SPIRE1: variants seen among roughly 807,000 people sequenced by gnomAD.
SPIRE1 encodes protein spire homolog 1.
In SPIRE1, 40 loss-of-function variants were observed where a neutral mutation model predicts 94.1. The observed-to-expected ratio is 0.43, with a 90% CI of 0.33 to 0.55. The LOEUF is 0.55. Ranked by LOEUF, SPIRE1 falls within the 20% of genes least tolerant of loss-of-function variation. SPIRE1 has a pLI of 0.06. For synonymous variants in SPIRE1, 376 were observed against 371.7 expected (o/e 1.01, Z -0.13); for missense variants, 838 against 975.2 (o/e 0.86, Z 1.87).
intron 2 of SPIRE1, among the ~76,000 whole-genome samples, chr18:12,549,000 C>G (rs761021934): frequency 6.6e-5 from 10 of 152,174 alleles, no homozygotes; most frequent in Non-Finnish European, 1.5e-4. Context: ...GGCAGTGTCC[C>G]AGGACAATCC....
chr18:12,471,633 C>A (rs950443517), intron 10 of SPIRE1, among the ~76,000 whole-genome samples: 2 of 151,600 alleles, frequency 1.3e-5, no homozygotes, highest in Admixed American at 1.3e-4. Flanking sequence ...TTGTTCTTTT[C>A]TTTAATTCAG....
chr18:12,658,104 G>C lies in SPIRE1; in HGVS notation c.-238C>G. 1.1e-6 allele frequency: 1 copy of C among 937,046 alleles called. No individual in the cohort carries two copies. The highest frequency in any genetic ancestry group is 5.3e-4 in the Middle Eastern group (1 of 1,886). 58.0% of individuals were successfully genotyped at this position (937,046 alleles called of 1,614,324 possible). ...CGCCGGCCGGTAGCGACGCGATGGC[G>C]TCCGGCGCCCCGCCCCGCCCCGCCC... On this transcript the variant is annotated 5_prime_UTR_variant, in exon 1 of 17. Transcript: ENST00000409402.
At chr18:12,606,038 T>C (rs2036965805) in intron 2 of SPIRE1, among the ~76,000 whole-genome samples, 1 of 152,188 alleles carries the variant, frequency 6.6e-6, no homozygotes, top group Non-Finnish European at 1.5e-5. Context: ...TCTGCTCAAA[T>C]GTCACCTCTA....
At position 12,452,427 on chromosome 18, in the gene SPIRE1, C is replaced by T. The variant is rs375167237; in HGVS notation, c.1876-36G>A. 22 of 1,613,980 alleles carry T rather than the reference C, an allele frequency of 1.4e-5. No homozygotes were observed. In the African/African-American group the frequency reaches 1.7e-4, roughly 13 times the overall value. On this transcript the variant is annotated intron_variant, in intron 15 of 16. Coordinates refer to ENST00000409402, the MANE Select transcript of SPIRE1 (RefSeq NM_001128626.2). ...AAATAAAACTGGCAATGAGCAGTAC[C>T]GTTAAAGAGGCAGTCACTAAAAGGA... is the stretch of plus-strand genomic sequence containing the variant.
At position 12,598,741 on chromosome 18, in the gene SPIRE1, T is replaced by C. The variant is rs573613715; in HGVS notation, c.372+36321A>G. Among the ~76,000 whole-genome samples the C allele has an allele frequency of 3.3e-3, 503 of 152,228 alleles. 3 individuals carry two copies. Among genetic ancestry groups the C allele is most frequent in the African/African-American group, 0.012 (481 of 41,540 alleles). ...ATCTCAAGAGGAAGTGGCTGCTGGA[T>C]GAAGCACACACTGAGGGCTAGAAGG... On this transcript the variant is annotated intron_variant, in intron 2 of 16. Coordinates refer to ENST00000409402, the MANE Select transcript of SPIRE1 (RefSeq NM_001128626.2).
In SPIRE1 at chr18:12,449,726, C is replaced by A; in HGVS notation, c.2183G>T (p.Arg728Leu). ...RSLVLANKRARLKRKTQSFYM... is the reference protein window; with the variant it reads ...RSLVLANKRALLKRKTQSFYM... ...GAAAGACTGCGTTTTCCTTTTCAAT[C>A]GGGCCCTTTTGTTGGCCAACACCAG... The change falls in exon 17 of 17, where the codon CGA becomes CTA. Residue 728 changes from arginine (R) to leucine (L), a missense_variant. Coordinates refer to ENST00000409402, the MANE Select transcript of SPIRE1 (RefSeq NM_001128626.2). 1 of 1,614,102 alleles carries A rather than the reference C, an allele frequency of 6.2e-7. No individual in the cohort carries two copies. The highest frequency in any genetic ancestry group is 8.5e-7 in the Non-Finnish European group (1 of 1,180,022).
chr18:12,611,419 G>A (rs1002678558), intron 2 of SPIRE1, among the ~76,000 whole-genome samples: 6 of 152,234 alleles, frequency 3.9e-5, no homozygotes, highest in Non-Finnish European at 7.3e-5. Flanking sequence ...CTCCTATGGA[G>A]AAGAAGCCTA....
chr18:12,550,078 A>C (rs1428746722), intron 2 of SPIRE1, among the ~76,000 whole-genome samples: 1 of 152,220 alleles, frequency 6.6e-6, no homozygotes, highest in Non-Finnish European at 1.5e-5. Context: ...ACTGATAGGA[A>C]TCTCTACTTA....
intron 1 of SPIRE1, among the ~76,000 whole-genome samples, chr18:12,649,549 C>T (rs1228000792): frequency 6.6e-6 from 1 of 152,178 alleles, no homozygotes; most frequent in South Asian, 2.1e-4. Flanking sequence ...GAAATACATA[C>T]AGCTCTAATG....
intron 5 of SPIRE1, among the ~76,000 whole-genome samples, chr18:12,509,820 T>A (rs184742702): frequency 4.3e-4 from 65 of 152,004 alleles, no homozygotes; most frequent in Non-Finnish European, 8.2e-4. Flanking sequence ...CGGAGGCTCA[T>A]ACCTGTAATC....
intron 6 of SPIRE1, among the ~76,000 whole-genome samples, chr18:12,499,761 A>G (rs1302235977): frequency 6.6e-6 from 1 of 152,198 alleles, no homozygotes; most frequent in Non-Finnish European, 1.5e-5. Flanking sequence ...AGCAAAATTA[A>G]AACCTTTTGT....
rs150438426 is a variant in SPIRE1, at chr18:12,559,173, CGGGGTGGGGT to C, written c.373-12279_373-12270del. 2.8e-5 allele frequency among the ~76,000 whole-genome samples: 3 copies of C among 108,398 alleles called. No individual in the cohort carries two copies. The highest frequency in any genetic ancestry group is 2.7e-4 in the East Asian group (1 of 3,660). 71.1% of individuals were successfully genotyped at this position (108,398 alleles called of 152,430 possible). ...GAGGCTCCATCTGCTTAGGAGCCCA[CGGGGTGGGGT>C]GGGGTGGGGGGGCGCCGGCATGGCA... On this transcript the variant is annotated intron_variant, in intron 2 of 16. Transcript: ENST00000409402. The surrounding 1 kb of genome is among the most constrained non-coding windows in gnomAD (Gnocchi z 4.7).
At chr18:12,477,189 TAGAAA>T (rs2032638158) in intron 10 of SPIRE1, among the ~76,000 whole-genome samples, 1 of 152,086 alleles carries the variant, frequency 6.6e-6, no homozygotes, top group African/African-American at 2.4e-5. Context: ...GAAAGAGGAC[TAGAAA>T]AGGAGTTAAA....
Position 12,496,627 on chromosome 18 carries a change from C to T in SPIRE1, c.973-525G>A, listed in dbSNP as rs187205868. 5.6e-3 allele frequency among the ~76,000 whole-genome samples: 856 copies of T among 152,104 alleles called. 10 individuals are homozygous for T. Among genetic ancestry groups the T allele is most frequent in the African/African-American group, 0.018 (749 of 41,494 alleles). ...GCTCACGTCTGTAATCCCAGCACTT[C>T]GGGAGGCCGAGACGGGCTGATCACA... On this transcript the variant is annotated intron_variant, in intron 6 of 16. Transcript: ENST00000409402.
intron 2 of SPIRE1, among the ~76,000 whole-genome samples, chr18:12,608,114 C>T (rs1218440048): frequency 1.3e-5 from 2 of 149,804 alleles, no homozygotes; most frequent in Non-Finnish European, 3.0e-5. Flanking sequence ...GCCGAGATCG[C>T]GCCACTGCAC....
At chr18:12,607,154 T>G (rs1342356964) in intron 2 of SPIRE1, among the ~76,000 whole-genome samples, 1 of 152,214 alleles carries the variant, frequency 6.6e-6, no homozygotes, top group East Asian at 1.9e-4. Flanking sequence ...CACAAGGTCC[T>G]GTTTTTTTGA....
At chr18:12,461,576 T>C (rs957258483) in intron 12 of SPIRE1, among the ~76,000 whole-genome samples, 2 of 61,776 alleles carry the variant, frequency 3.2e-5, no homozygotes, top group Non-Finnish European at 9.2e-5. Context: ...TGTATGTACA[T>C]ACATATGTAT....
intron 2 of SPIRE1, among the ~76,000 whole-genome samples, chr18:12,557,445 G>A (rs1264872679): frequency 6.6e-6 from 1 of 152,160 alleles, no homozygotes; most frequent in African/African-American, 2.4e-5. Context: ...CAAATGTGGG[G>A]CCTGCCAAGC....
chr18:12,504,007 G>A (rs1217676143), intron 6 of SPIRE1, among the ~76,000 whole-genome samples: 2 of 147,386 alleles, frequency 1.4e-5, no homozygotes, highest in Non-Finnish European at 3.0e-5. Context: ...GGGTCAGAGA[G>A]AATGAGGCTG....
Sources: allele counts gnomAD v4.1 joint callset (sites outside exome capture counted in the v4.1 genomes callset), GRCh38; gene constraint gnomAD v4.1.1; non-coding constraint Gnocchi (gnomAD v3.1); transcripts MANE v1.5; gene names NCBI Gene and HGNC (gene_info 2026-07-23, HGNC 2026-07-21).